The following PALS2 variants were observed in gnomAD, a reference collection of about 807,000 sequenced individuals.
PALS2 encodes protein associated with LIN7 2, MAGUK p55 family member.
In PALS2, 27 loss-of-function variants were observed where a neutral mutation model predicts 61.6. The observed-to-expected ratio is 0.44, with a 90% CI of 0.32 to 0.60. The LOEUF is 0.60. Among genes scored for constraint, PALS2 ranks in the 20% least tolerant of loss-of-function variants. The pLI is 0.05. For missense variants in PALS2, 554 were observed against 639.4 expected (o/e 0.87, Z 1.44); for synonymous variants, 236 against 218.6 (o/e 1.08, Z -0.70).
In PALS2 at chr7:24,691,405, G is replaced by GTGTGTGTGTGTGTGTATATA. The variant is rs1274329385; in HGVS notation, c.*3792_*3793insGTGTGTGTGTGTGTATATAT. On this transcript the variant is annotated 3_prime_UTR_variant, in exon 12 of 12. Transcript: ENST00000222644. ...ATATTATGTATGTGTGTGTGTGTGT[G>GTGTGTGTGTGTGTGTATATA]TATATATATATATATATATATATAT... 3.2e-4 allele frequency: 35 copies of GTGTGTGTGTGTGTGTATATA among 110,574 alleles called. No individual in the cohort carries two copies. The highest frequency in any genetic ancestry group is 9.9e-4 in the African/African-American group (32 of 32,360). 6.8% of individuals were successfully genotyped at this position (110,574 alleles called of 1,614,324 possible). A position where few individuals can be genotyped will look rare whatever the true frequency, so the allele number is the denominator to read the frequency against.
intron 2 of PALS2, among the ~76,000 whole-genome samples, chr7:24,629,958 C>T (rs1583903562): frequency 6.6e-6 from 1 of 152,158 alleles, no homozygotes; most frequent in African/African-American, 2.4e-5. Context: ...TACCATTTGA[C>T]CCAGCAATCC....
rs1210733058 is a variant in PALS2, at chr7:24,650,571, T to A, written c.510T>A (p.His170Gln). The change falls in exon 5 of 12, where the codon CAT (histidine) becomes CAA (glutamine). Residue 170 changes from histidine to glutamine, a missense_variant. By Grantham distance (24) the His-to-Gln change is conservative. Coordinates refer to ENST00000222644, the MANE Select transcript of PALS2 (RefSeq NM_001303037.2). ...TGATAGATCGACAAGGTCTACTTCA[T>A]GTGGGAGATATAATTAAAGAAGTCA... ...GGMIDRQGLL[H>Q]VGDIIKEVNG... 6.2e-7 allele frequency: 1 copy of A among 1,613,392 alleles called. No homozygotes were observed. The highest frequency in any genetic ancestry group is 2.2e-5 in the East Asian group (1 of 44,822).
chr7:24,640,282 A>G (rs75724566), intron 2 of PALS2, among the ~76,000 whole-genome samples: 9,615 of 151,934 alleles, frequency 0.063, 353 homozygotes, highest in African/African-American at 0.093. Context: ...TGCTTAATAT[A>G]TAGCTTTCTT....
chr7:24,690,873 C>G lies in PALS2; in HGVS notation c.*3259C>G, dbSNP rs1421633470. On this transcript the variant is annotated 3_prime_UTR_variant, in exon 12 of 12. Transcript: ENST00000222644. ...TAGCCTAAATCCTAGATTCTAGAAT[C>G]CAATAAATTTATAGTAGTTCTTAAG... 1 of 151,980 alleles carries G rather than the reference C, an allele frequency of 6.6e-6. No individual in the cohort carries two copies. Among genetic ancestry groups the G allele is most frequent in the Non-Finnish European group, 1.5e-5 (1 of 67,976 alleles). The allele number at this position is 151,980 out of a possible 1,614,324, so 9.4% of individuals were successfully genotyped here.
At chr7:24,599,018 T>C (rs1007596269) in intron 1 of PALS2, among the ~76,000 whole-genome samples, 9 of 152,202 alleles carry the variant, frequency 5.9e-5, no homozygotes, top group Non-Finnish European at 1.2e-4. Context: ...GAGTGTTGAA[T>C]GAGGCAGGAA....
intron 1 of PALS2, among the ~76,000 whole-genome samples, chr7:24,610,020 T>G (rs959550474): frequency 6.6e-6 from 1 of 152,148 alleles, no homozygotes. Flanking sequence ...CTAGGATACT[T>G]CCAGTGGTGT....
At chr7:24,674,626 G>A (rs150688774) in intron 9 of PALS2, 73 of 152,228 alleles carry the variant, frequency 4.8e-4, no homozygotes, top group African/African-American at 1.7e-3. Context: ...TCCTCTCAAA[G>A]TATTTTCTTT....
rs1439993838 is a variant in PALS2 at position 24,688,479 on chromosome 7, A to C, written c.*865A>C. On this transcript the variant is annotated 3_prime_UTR_variant, in exon 12 of 12. Coordinates refer to ENST00000222644, the MANE Select transcript of PALS2 (RefSeq NM_001303037.2). ...TGTAAAATTTTGACTGACAAAAGGA[A>C]CCTACTACTTTAAACAATGGTTTTA... 1 of 152,178 alleles carries C rather than the reference A, an allele frequency of 6.6e-6. No individual in the cohort carries two copies. Among genetic ancestry groups the C allele is most frequent in the Admixed American group, 6.5e-5 (1 of 15,280 alleles). The allele number at this position is 152,178 out of a possible 1,614,324, so 9.4% of individuals were successfully genotyped here. A position where few individuals can be genotyped will look rare whatever the true frequency, so the allele number is the denominator to read the frequency against.
chr7:24,626,940 C>T (rs764352404), intron 2 of PALS2, among the ~76,000 whole-genome samples: 7 of 152,042 alleles, frequency 4.6e-5, no homozygotes, highest in African/African-American at 9.7e-5. Flanking sequence ...AACACCCCAC[C>T]GTCAATATTA....
chr7:24,644,040 A>G (rs112725357), intron 3 of PALS2, among the ~76,000 whole-genome samples: 3 of 150,900 alleles, frequency 2.0e-5, no homozygotes, highest in African/African-American at 7.3e-5. Flanking sequence ...TCAACCATGT[A>G]CCTACTGATG....
chr7:24,617,933 T>C (rs1784350582), intron 1 of PALS2, among the ~76,000 whole-genome samples: 1 of 152,206 alleles, frequency 6.6e-6, no homozygotes, highest in South Asian at 2.1e-4. Context: ...TCGGCCAGTC[T>C]AGGGGCATGT....
intron 7 of PALS2, 91 bp from the exon 8 acceptor site, chr7:24,665,930 G>T: frequency 7.9e-7 from 1 of 1,270,488 alleles, no homozygotes; most frequent in Non-Finnish European, 1.1e-6. Flanking sequence ...ACATTGGGGA[G>T]ATAATTCTCC....
intron 9 of PALS2, among the ~76,000 whole-genome samples, chr7:24,673,730 G>A (rs187764666): frequency 5.9e-5 from 9 of 151,606 alleles, no homozygotes; most frequent in Admixed American, 3.3e-4. Flanking sequence ...TGATCTTTTC[G>A]GACAACCAAA....
intron 5 of PALS2, among the ~76,000 whole-genome samples, chr7:24,651,823 A>G (rs1786167568): frequency 6.6e-6 from 1 of 152,226 alleles, no homozygotes; most frequent in African/African-American, 2.4e-5. Flanking sequence ...AGAGTTTAAA[A>G]GTCTAGTTCT....
At chr7:24,619,795 TCTC>T in intron 1 of PALS2, among the ~76,000 whole-genome samples, 1 of 151,880 alleles carries the variant, frequency 6.6e-6, no homozygotes, top group Non-Finnish European at 1.5e-5. Context: ...AAAATGTTTA[TCTC>T]CTCTAGTGAT....
chr7:24,583,138 G>A (rs1368733607), intron 1 of PALS2, among the ~76,000 whole-genome samples: 4 of 151,936 alleles, frequency 2.6e-5, no homozygotes, highest in African/African-American at 7.3e-5. Context: ...TGATCTGCCT[G>A]CCTTGGCCTC....
chr7:24,598,367 T>C (rs184582020), intron 1 of PALS2, among the ~76,000 whole-genome samples: 67 of 152,316 alleles, frequency 4.4e-4, no homozygotes, highest in African/African-American at 1.5e-3. Context: ...GCTCAGTCTT[T>C]AGTTGTTAGA....
intron 9 of PALS2, among the ~76,000 whole-genome samples, chr7:24,678,438 T>C (rs1787740137): frequency 6.6e-6 from 1 of 152,126 alleles, no homozygotes; most frequent in African/African-American, 2.4e-5. Flanking sequence ...AATAGAACAG[T>C]TAACATTTGG....
chr7:24,600,179 G>A (rs1783668262), intron 1 of PALS2, among the ~76,000 whole-genome samples: 1 of 152,040 alleles, frequency 6.6e-6, no homozygotes, highest in Non-Finnish European at 1.5e-5. Context: ...TTCATTGTTG[G>A]GGTTCATGTT....
Sources: gnomAD v4.1 joint callset for allele counts (sites outside exome capture counted in the v4.1 genomes callset) on GRCh38, gnomAD v4.1.1 for gene constraint, MANE v1.5 for transcripts, NCBI Gene and HGNC (gene_info 2026-07-23, HGNC 2026-07-21) for gene names.